Variants in CDON observed in about 807,000 individuals in gnomAD.
The protein encoded by CDON is cell adhesion associated, oncogene regulated, also known as cell adhesion molecule-related/down-regulated by oncogenes.
A neutral mutation model predicts 120.9 loss-of-function variants in CDON; 73 were observed. The ratio of observed to expected loss-of-function variants is 0.60; its 90% CI spans 0.50 to 0.73. The LOEUF is 0.73. Among genes scored for constraint, CDON ranks in the 30% least tolerant of loss-of-function variants. The probability of loss-of-function intolerance (pLI) is 0.00; values close to 1 mark genes in which losing one functional copy is unlikely to be tolerated. For synonymous variants in CDON, 566 were observed against 573.5 expected, an observed-to-expected ratio of 0.99 and a Z score of 0.19; for missense variants, 1,470 against 1,587.3, an observed-to-expected ratio of 0.93 and a Z score of 1.26.
chr11:126,041,310 G>T (rs975301780), intron 1 of CDON, among the ~76,000 whole-genome samples: 3 of 151,822 alleles, frequency 2.0e-5, no homozygotes, highest in African/African-American at 7.3e-5. Flanking sequence ...AAATAGAAAT[G>T]ACTTGGTGGG....
chr11:126,019,799 AT>A, intron 3 of CDON, 34 bp from the exon 4 acceptor site: 1 of 1,573,898 alleles, frequency 6.4e-7, no homozygotes. Flanking sequence ...AAATAAATAC[AT>A]GCAAATTTGA....
rs1163447652 is a variant in CDON, at chr11:126,007,876, A to G, written c.1553-1819T>C. Among the ~76,000 whole-genome samples the G allele has an allele frequency of 2.0e-5, 3 of 152,336 alleles. No homozygotes were observed. The East Asian group carries it at 5.8e-4, about 29-fold the overall frequency. On this transcript the variant is annotated intron_variant, in intron 8 of 19. Coordinates refer to ENST00000531738, the MANE Select transcript of CDON (RefSeq NM_001378964.1). ...GTACTTCCCCGGTGTTTTTGCATGT[A>G]TTATCTCAACTTATCTTCAGAACTC...
chr11:126,045,191 A>C (rs1948373105), intron 1 of CDON, among the ~76,000 whole-genome samples: 1 of 151,896 alleles, frequency 6.6e-6, no homozygotes, highest in African/African-American at 2.4e-5. Context: ...ATGTCCAGTT[A>C]ATTTTTTTGT....
At chr11:126,010,863 G>T (rs757650201) in intron 7 of CDON, 169 bp from the exon 8 acceptor site, 1 of 677,514 alleles carries the variant, frequency 1.5e-6, no homozygotes, top group South Asian at 1.5e-5. Flanking sequence ...TCAATAAATG[G>T]TAGAGTTGTT....
At chr11:126,045,175 G>A (rs1442937379) in intron 1 of CDON, among the ~76,000 whole-genome samples, 2 of 152,110 alleles carry the variant, frequency 1.3e-5, no homozygotes, top group Non-Finnish European at 1.5e-5. Flanking sequence ...ACAGGCACGC[G>A]CCACCATGTC....
chr11:125,979,436 C>A (rs1946234040), intron 17 of CDON, among the ~76,000 whole-genome samples: 1 of 152,158 alleles, frequency 6.6e-6, no homozygotes, highest in Non-Finnish European at 1.5e-5. Flanking sequence ...TCACAACCTG[C>A]AGGGTAACGT....
chr11:125,998,962 A>G (rs1946864790), intron 11 of CDON, among the ~76,000 whole-genome samples: 1 of 152,140 alleles, frequency 6.6e-6, no homozygotes. Context: ...ACACCCTTCC[A>G]CCTCAACATG....
intron 16 of CDON, among the ~76,000 whole-genome samples, chr11:125,981,971 T>TTTTTC (rs1565501967): frequency 3.3e-5 from 1 of 30,622 alleles, no homozygotes; most frequent in African/African-American, 1.7e-4. Context: ...TTCTATTTTC[T>TTTTTC]TTTTTTTTTT....
At position 125,983,971 on chromosome 11, in the gene CDON, A is replaced by G; in HGVS notation, c.2896T>C (p.Tyr966His). 6.2e-7 allele frequency: 1 copy of G among 1,614,196 alleles called. No homozygotes were observed. The highest frequency in any genetic ancestry group is 8.5e-7 in the Non-Finnish European group (1 of 1,180,016). ...CCCAGCACACAGCCAACGATCAGAT[A>G]TAACATGTCACTGCTTCTGGCAGGG... is the stretch of plus-strand genomic sequence containing the variant. ...TSPARSSDML[Y>H]LIVGCVLGVM... The change falls in exon 16 of 20, where the codon TAT (tyrosine) becomes CAT (histidine). Residue 966 changes from tyrosine to histidine, a missense_variant. By Grantham distance (83) the Tyr-to-His change is moderately conservative. Coordinates refer to ENST00000531738, the MANE Select transcript of CDON (RefSeq NM_001378964.1).
intron 1 of CDON, among the ~76,000 whole-genome samples, chr11:126,052,370 C>T (rs1293425539): frequency 2.0e-5 from 3 of 152,258 alleles, no homozygotes; most frequent in South Asian, 4.1e-4. Context: ...AAACAGAAAT[C>T]AAACTACTGA....
At chr11:125,980,903 C>T (rs935122721) in intron 17 of CDON, 146 bp downstream of exon 17, 4 of 754,270 alleles carry the variant, frequency 5.3e-6, no homozygotes, top group African/African-American at 5.2e-5. Flanking sequence ...TACTCTGGAT[C>T]AAAGGGCTGC....
intron 2 of CDON, among the ~76,000 whole-genome samples, chr11:126,022,800 C>G (rs1362898343): frequency 2.0e-5 from 3 of 152,170 alleles, no homozygotes; most frequent in African/African-American, 7.2e-5. Context: ...GAATAAACAT[C>G]ACTGTATTTG....
intron 18 of CDON, among the ~76,000 whole-genome samples, chr11:125,974,193 G>A (rs1054811142): frequency 2.4e-4 from 36 of 151,930 alleles, no homozygotes; most frequent in African/African-American, 7.7e-4. Context: ...ACTGCACCCC[G>A]CCGATTTATG....
chr11:126,001,931 C>T, intron 10 of CDON, 81 bp from the exon 11 acceptor site: 1 of 1,010,052 alleles, frequency 9.9e-7, no homozygotes, highest in Middle Eastern at 2.1e-4. Context: ...GTGAAACTTA[C>T]CTGGTATGTG....
At chr11:125,996,359 TG>T (rs1946782223) in intron 12 of CDON, among the ~76,000 whole-genome samples, 1 of 152,130 alleles carries the variant, frequency 6.6e-6, no homozygotes. Context: ...TTAATGATAC[TG>T]GAAAACATAT....
chr11:125,987,912 A>C (rs963252748), intron 15 of CDON, among the ~76,000 whole-genome samples: 13 of 152,232 alleles, frequency 8.5e-5, no homozygotes, highest in South Asian at 4.1e-4. Flanking sequence ...CACATGGTTT[A>C]GAGTTTAAAA....
chr11:126,001,886 C>T (rs773508814), intron 10 of CDON, 36 bp from the exon 11 acceptor site: 3 of 1,474,064 alleles, frequency 2.0e-6, no homozygotes, highest in Middle Eastern at 1.7e-4. Flanking sequence ...GTAACATAAG[C>T]ATATATGTAT....
intron 1 of CDON, among the ~76,000 whole-genome samples, chr11:126,024,342 C>T: frequency 6.6e-6 from 1 of 152,178 alleles, no homozygotes; most frequent in Non-Finnish European, 1.5e-5. Context: ...GCAGGACATA[C>T]TGTAATCACC....
intron 7 of CDON, 106 bp downstream of exon 7, chr11:126,015,135 G>C: frequency 9.1e-7 from 1 of 1,094,012 alleles, no homozygotes; most frequent in Non-Finnish European, 1.4e-6. Flanking sequence ...TTCTTGTACG[G>C]TGCTAGGGTT....
Sources: allele counts gnomAD v4.1 joint callset (sites outside exome capture counted in the v4.1 genomes callset), GRCh38; gene constraint gnomAD v4.1.1; transcripts MANE v1.5; gene names NCBI Gene and HGNC (gene_info 2026-07-23, HGNC 2026-07-21).